The following RERE variants were observed in gnomAD, a reference collection of about 807,000 sequenced individuals.
RERE encodes arginine-glutamic acid dipeptide repeats.
RERE carries 40 observed loss-of-function variants against 146.1 expected under a neutral mutation model. That is an observed-to-expected ratio of 0.27 (90% CI 0.21 to 0.36). The LOEUF (loss-of-function observed/expected upper bound fraction) is 0.36, where lower values mean the gene tolerates loss of function less well. Ranked by LOEUF, RERE falls within the 10% of genes least tolerant of loss-of-function variation. The pLI is 1.00. For missense variants in RERE, 1,933 were observed against 2,138.7 expected, an observed-to-expected ratio of 0.90 and a Z score of 1.90; for synonymous variants, 1,003 against 866.0, an observed-to-expected ratio of 1.16 and a Z score of -2.78.
chr1:8,732,609 A>C (rs922316921), intron 1 of RERE, among the ~76,000 whole-genome samples: 1 of 151,876 alleles, frequency 6.6e-6, no homozygotes, highest in Non-Finnish European at 1.5e-5. Context: ...GTTTCTGTCA[A>C]ACCCCACAGA....
chr1:8,472,315 C>A (rs1043130653), intron 10 of RERE, among the ~76,000 whole-genome samples: 1 of 152,144 alleles, frequency 6.6e-6, no homozygotes, highest in African/African-American at 2.4e-5. Context: ...CTGTGAAAAA[C>A]ATTACGTAGA....
At chr1:8,400,703 CATTAAAT>C (rs1643217808) in intron 12 of RERE, among the ~76,000 whole-genome samples, 1 of 151,426 alleles carries the variant, frequency 6.6e-6, no homozygotes, top group African/African-American at 2.4e-5. Flanking sequence ...ACAGTTTCAC[CATTAAAT>C]ATGATGCATA....
intron 1 of RERE, among the ~76,000 whole-genome samples, chr1:8,734,548 G>A (rs1238490346): frequency 6.6e-6 from 1 of 152,156 alleles, no homozygotes; most frequent in Non-Finnish European, 1.5e-5. Flanking sequence ...ACAAACATGG[G>A]CTGACTTTGC....
At chr1:8,611,913 C>CTA (rs1198210498) in intron 4 of RERE, among the ~76,000 whole-genome samples, 3 of 152,188 alleles carry the variant, frequency 2.0e-5, no homozygotes, top group African/African-American at 7.2e-5. Flanking sequence ...TTCCTACCTC[C>CTA]CTCACTACTC....
At chr1:8,536,894 A>G (rs1645733630) in intron 7 of RERE, among the ~76,000 whole-genome samples, 1 of 152,000 alleles carries the variant, frequency 6.6e-6, no homozygotes, top group African/African-American at 2.4e-5. Context: ...ATGCCCCCTA[A>G]ATTTTTGCCC....
chr1:8,792,534 G>A (rs781137129), intron 1 of RERE: 8 of 152,180 alleles, frequency 5.3e-5, no homozygotes, highest in Admixed American at 3.9e-4. Flanking sequence ...TGGATCCCAC[G>A]GTGGTTGTGA....
In RERE at chr1:8,641,552, C is replaced by T. The variant is rs1211859980; in HGVS notation, c.325+14421G>A. ...GTGATTGGAACTCTGTCACAGTCCT[C>T]CGGACTGATTTTAGCATCTGGCTTG... On this transcript the variant is annotated intron_variant, in intron 2 of 22. Transcript: ENST00000400908. Among the ~76,000 whole-genome samples the T allele has an allele frequency of 3.3e-5, 5 of 152,130 alleles. No homozygotes were observed. The East Asian group carries it at 9.6e-4, about 29-fold the overall frequency.
chr1:8,573,992 G>C (rs1355454289), intron 4 of RERE, among the ~76,000 whole-genome samples: 1 of 151,792 alleles, frequency 6.6e-6, no homozygotes, highest in Admixed American at 6.6e-5. Flanking sequence ...TTTTTATAGA[G>C]ATGGGGTTTC....
intron 1 of RERE, among the ~76,000 whole-genome samples, chr1:8,710,944 G>C (rs1639655018): frequency 6.6e-6 from 1 of 151,838 alleles, no homozygotes; most frequent in African/African-American, 2.4e-5. Context: ...ATCACTTAAG[G>C]CCAGGAGTTC....
At chr1:8,766,546 C>CA (rs60530407) in intron 1 of RERE, among the ~76,000 whole-genome samples, 7,150 of 64,624 alleles carry the variant, frequency 0.11, 381 homozygotes, top group African/African-American at 0.21. Context: ...GACTCCATTG[C>CA]AAAAAAAAAA....
chr1:8,789,301 A>AAAAAAAAAATATATATAT, intron 1 of RERE, among the ~76,000 whole-genome samples: 1 of 24,824 alleles, frequency 4.0e-5, no homozygotes, highest in Non-Finnish European at 6.5e-5. Flanking sequence ...AAAAAAAAAA[A>AAAAAAAAAATATATATAT]ATATATATAT....
At chr1:8,671,213 T>C (rs1315093778) in intron 1 of RERE, among the ~76,000 whole-genome samples, 1 of 152,210 alleles carries the variant, frequency 6.6e-6, no homozygotes, top group African/African-American at 2.4e-5. Flanking sequence ...ATATTCAAGA[T>C]GGCAAAGAAT....
chr1:8,409,835 C>A (rs1643562759), intron 12 of RERE, among the ~76,000 whole-genome samples: 2 of 152,116 alleles, frequency 1.3e-5, no homozygotes, highest in East Asian at 3.8e-4. Context: ...TGGTCCCTCT[C>A]CCAGGAGCAA....
intron 6 of RERE, among the ~76,000 whole-genome samples, chr1:8,546,413 T>C (rs534550636): frequency 1.3e-5 from 2 of 152,338 alleles, no homozygotes; most frequent in African/African-American, 4.8e-5. Flanking sequence ...CTGTTCTTTG[T>C]TTTCCTTAGT....
chr1:8,809,896 G>T (rs531847777), intron 1 of RERE, among the ~76,000 whole-genome samples: 2 of 152,154 alleles, frequency 1.3e-5, no homozygotes, highest in Admixed American at 1.3e-4. Context: ...GTTATAACAA[G>T]AACTGAAGAA....
rs191960647 is a variant in RERE at position 8,705,857 on chromosome 1, C to T, written c.-144-49416G>A. 2.0e-5 allele frequency among the ~76,000 whole-genome samples: 3 copies of T among 152,254 alleles called. No individual in the cohort carries two copies. In the East Asian group the frequency reaches 5.8e-4, roughly 29 times the overall value. ...ATTGGCCGGATGCGGTGGCTCACGC[C>T]TATAATCCCAGCACTTTGGGAGGCC... On this transcript the variant is annotated intron_variant, in intron 1 of 22. Coordinates refer to ENST00000400908, the MANE Select transcript of RERE (RefSeq NM_001042681.2).
chr1:8,613,064 T>C (rs1198147629), intron 4 of RERE, among the ~76,000 whole-genome samples: 2 of 152,198 alleles, frequency 1.3e-5, no homozygotes, highest in Non-Finnish European at 2.9e-5. Flanking sequence ...CAATATATCA[T>C]CTCTACTGTC....
chr1:8,413,276 G>A (rs1763839), intron 12 of RERE, among the ~76,000 whole-genome samples: 46,782 of 151,732 alleles, frequency 0.31, 7,543 homozygotes, highest in African/African-American at 0.35. Flanking sequence ...TGTGTGCAGA[G>A]TAAAAATGCA....
chr1:8,756,761 G>A (rs1274223083), intron 1 of RERE, among the ~76,000 whole-genome samples: 1 of 152,122 alleles, frequency 6.6e-6, no homozygotes. Context: ...GTTAGTTTCA[G>A]TGGGTTTGAA....
Sources: gnomAD v4.1 joint callset for allele counts (sites outside exome capture counted in the v4.1 genomes callset) on GRCh38, gnomAD v4.1.1 for gene constraint, MANE v1.5 for transcripts, NCBI Gene and HGNC (gene_info 2026-07-23, HGNC 2026-07-21) for gene names.